SH3PXD2A: variants seen among roughly 807,000 people sequenced by gnomAD.
The protein encoded by SH3PXD2A is SH3 and PX domains 2A.
A neutral mutation model predicts 115.2 loss-of-function variants in SH3PXD2A; 32 were observed. The observed-to-expected ratio is 0.28, with a 90% CI of 0.21 to 0.37. SH3PXD2A has a LOEUF of 0.37. Among genes scored for constraint, SH3PXD2A ranks in the 10% least tolerant of loss-of-function variants. The pLI is 1.00. For missense variants in SH3PXD2A, 1,328 were observed against 1,498.7 expected (o/e 0.89, Z 1.88); for synonymous variants, 610 against 629.1 (o/e 0.97, Z 0.45).
chr10:103,699,917 C>T (rs372975018), intron 5 of SH3PXD2A, among the ~76,000 whole-genome samples: 7 of 152,312 alleles, frequency 4.6e-5, no homozygotes, highest in Middle Eastern at 3.4e-3. Context: ...TGAATTCCTG[C>T]GGAGAGAAGG....
intron 5 of SH3PXD2A, among the ~76,000 whole-genome samples, chr10:103,699,215 A>C (rs2037862313): frequency 6.6e-6 from 1 of 152,196 alleles, no homozygotes; most frequent in Non-Finnish European, 1.5e-5. Flanking sequence ...ACCCTGGACA[A>C]GCCACTTCAA....
chr10:103,809,602 C>T (rs2039244228), intron 1 of SH3PXD2A, among the ~76,000 whole-genome samples: 1 of 152,176 alleles, frequency 6.6e-6, no homozygotes, highest in Admixed American at 6.5e-5. Flanking sequence ...AGGTACCCAT[C>T]ACACTCAGTG....
chr10:103,762,014 CTTTTTTT>C (rs79615908), intron 3 of SH3PXD2A, among the ~76,000 whole-genome samples: 1 of 90,708 alleles, frequency 1.1e-5, no homozygotes, highest in African/African-American at 4.1e-5. Flanking sequence ...ATCAACACGT[CTTTTTTT>C]TTTTTTTTTT....
intron 9 of SH3PXD2A, 98 bp downstream of exon 9, chr10:103,626,991 A>G: frequency 1.4e-6 from 1 of 709,890 alleles, no homozygotes; most frequent in Non-Finnish European, 2.5e-6. Flanking sequence ...GATATGGCTC[A>G]GCTCACTTTA....
chr10:103,776,016 A>T (rs1301351589), intron 2 of SH3PXD2A, among the ~76,000 whole-genome samples: 3 of 152,176 alleles, frequency 2.0e-5, no homozygotes, highest in Admixed American at 2.0e-4. Context: ...CTAGGGGAGC[A>T]TCTGTTTCCT....
intron 1 of SH3PXD2A, among the ~76,000 whole-genome samples, chr10:103,815,888 CAAAAAA>C (rs749050851): frequency 9.1e-6 from 1 of 110,112 alleles, no homozygotes; most frequent in Admixed American, 9.8e-5. Flanking sequence ...GACTCCATCT[CAAAAAA>C]AAAAAAAGAA....
At chr10:103,605,534 C>A (rs1564842003) in intron 14 of SH3PXD2A, among the ~76,000 whole-genome samples, 1 of 152,216 alleles carries the variant, frequency 6.6e-6, no homozygotes, top group Non-Finnish European at 1.5e-5. Flanking sequence ...TCAAGGCCCC[C>A]CTGTCACAAG....
intron 2 of SH3PXD2A, among the ~76,000 whole-genome samples, chr10:103,791,845 C>T (rs973448522): frequency 6.6e-5 from 10 of 152,090 alleles, no homozygotes; most frequent in African/African-American, 1.9e-4. Flanking sequence ...ACCCTCCAGC[C>T]GGACCCAGGT....
At chr10:103,747,634 A>T (rs2038521529) in intron 3 of SH3PXD2A, among the ~76,000 whole-genome samples, 1 of 152,074 alleles carries the variant, frequency 6.6e-6, no homozygotes, top group Non-Finnish European at 1.5e-5. Context: ...CGCAGTGATG[A>T]TGCTGAAAGA....
At chr10:103,651,531 C>A (rs1480898963) in intron 8 of SH3PXD2A, among the ~76,000 whole-genome samples, 1 of 152,216 alleles carries the variant, frequency 6.6e-6, no homozygotes, top group African/African-American at 2.4e-5. Flanking sequence ...ATATCCAGAT[C>A]TCCAAACCCT....
At chr10:103,685,813 C>T (rs970596693) in intron 6 of SH3PXD2A, among the ~76,000 whole-genome samples, 4 of 152,208 alleles carry the variant, frequency 2.6e-5, no homozygotes, top group African/African-American at 9.6e-5. Flanking sequence ...GCTCCAGAGT[C>T]CACGTTTTTA....
intron 2 of SH3PXD2A, among the ~76,000 whole-genome samples, chr10:103,798,560 G>T (rs2039116849): frequency 6.6e-6 from 1 of 152,180 alleles, no homozygotes; most frequent in South Asian, 2.1e-4. Context: ...CTGGGGAGAG[G>T]GCTTCCATCA....
At chr10:103,834,483 T>C (rs1438401194) in intron 1 of SH3PXD2A, among the ~76,000 whole-genome samples, 1 of 152,214 alleles carries the variant, frequency 6.6e-6, no homozygotes, top group East Asian at 1.9e-4. Flanking sequence ...ATGAAAATGT[T>C]CTGAAATTGA....
chr10:103,853,316 C>A (rs1334763568), intron 1 of SH3PXD2A, among the ~76,000 whole-genome samples: 3 of 152,214 alleles, frequency 2.0e-5, no homozygotes, highest in Non-Finnish European at 4.4e-5. Context: ...TTCAAAAATA[C>A]TTTCTTAGTC....
rs1456796388 is a variant in SH3PXD2A at position 103,602,724 on chromosome 10, A to T, written c.2494T>A (p.Cys832Ser). 1 of 1,613,950 alleles carries T rather than the reference A, an allele frequency of 6.2e-7. No homozygotes were observed. Residue 832 changes from cysteine to serine, a missense_variant, in exon 15 of 15, where the codon TGT (cysteine) becomes AGT (serine). Coordinates refer to ENST00000369774, the MANE Select transcript of SH3PXD2A (RefSeq NM_001394015.1). ...CCTTCCCATTCCTTCTTGGTGGGACATGGGGGAGTGGTGGCTGGGAGGGTG... is the reference window on the plus strand; with the variant it reads ...CCTTCCCATTCCTTCTTGGTGGGACTTGGGGGAGTGGTGGCTGGGAGGGTG... ...LITLPATTPP[C>S]PTKKEWEGPA...
At chr10:103,672,433 G>A (rs1431308370) in intron 6 of SH3PXD2A, among the ~76,000 whole-genome samples, 1 of 152,242 alleles carries the variant, frequency 6.6e-6, no homozygotes, top group East Asian at 1.9e-4. Flanking sequence ...CATAACACAA[G>A]GGGACCACAG....
intron 5 of SH3PXD2A, among the ~76,000 whole-genome samples, chr10:103,705,166 C>T (rs1454977038): frequency 2.6e-5 from 4 of 152,160 alleles, no homozygotes; most frequent in African/African-American, 4.8e-5. Context: ...GCAGGCCAGC[C>T]GTGGGCCGCC....
At chr10:103,804,563 C>T (rs954544217) in intron 1 of SH3PXD2A, among the ~76,000 whole-genome samples, 2 of 151,906 alleles carry the variant, frequency 1.3e-5, no homozygotes, top group African/African-American at 4.8e-5. Flanking sequence ...ACCTCGTGAT[C>T]TGCTTGCCTC....
At chr10:103,629,754 C>A (rs1294852498) in intron 8 of SH3PXD2A, among the ~76,000 whole-genome samples, 1 of 152,242 alleles carries the variant, frequency 6.6e-6, no homozygotes, top group Non-Finnish European at 1.5e-5. Flanking sequence ...AAAAGCCCAA[C>A]CTTCACTAGC....
Sources: allele counts gnomAD v4.1 joint callset (sites outside exome capture counted in the v4.1 genomes callset), GRCh38; gene constraint gnomAD v4.1.1; transcripts MANE v1.5; gene names NCBI Gene and HGNC (gene_info 2026-07-23, HGNC 2026-07-21).